POU6F1: variants seen among roughly 807,000 people sequenced by gnomAD.
POU6F1 encodes POU class 6 homeobox 1, also known as POU domain, class 6, transcription factor 1.
A neutral mutation model predicts 28.9 loss-of-function variants in POU6F1; 9 were observed. The observed-to-expected ratio is 0.31, with a 90% CI of 0.19 to 0.54. The LOEUF (loss-of-function observed/expected upper bound fraction) is 0.54. Ranked by LOEUF, POU6F1 falls within the 20% of genes least tolerant of loss-of-function variation. POU6F1 has a pLI of 0.94. For synonymous variants in POU6F1, 173 were observed against 171.1 expected (o/e 1.01, Z -0.09); for missense variants, 338 against 426.1 (o/e 0.79, Z 1.82).
At chr12:51,210,050 C>T (rs1943885665) in intron 1 of POU6F1, among the ~76,000 whole-genome samples, 1 of 152,136 alleles carries the variant, frequency 6.6e-6, no homozygotes, top group Non-Finnish European at 1.5e-5. Context: ...CTCAAACTCC[C>T]AGCCTCAAGT....
Position 51,191,721 on chromosome 12 carries a change from T to C in POU6F1, c.1365A>G (p.Glu455=), listed in dbSNP as rs1432469234. 2.5e-6 allele frequency: 4 copies of C among 1,614,198 alleles called. No individual in the cohort carries two copies. Among genetic ancestry groups the C allele is most frequent in the Middle Eastern group, 3.3e-4 (2 of 6,062 alleles). The change falls in exon 10 of 11, where the codon GAA becomes GAG. Residue 455 remains glutamate (E), a synonymous_variant. Coordinates refer to ENST00000333640, the MANE Select transcript of POU6F1 (RefSeq NM_001330422.2). ...PSLDEDGINL[E]EIREFAKNFK... is the part of the protein sequence containing the mutation. ...AGTTCTTGGCAAACTCCCGGATCTC[T>C]TCTAAGTTGATCCCATCCTCATCCA...
At chr12:51,194,847 T>A (rs1942706606) in intron 8 of POU6F1, among the ~76,000 whole-genome samples, 1 of 152,144 alleles carries the variant, frequency 6.6e-6, no homozygotes, top group African/African-American at 2.4e-5. Context: ...ACCCTTATGA[T>A]CCCTGTTCAC....
chr12:51,207,764 A>T (rs758090047), intron 1 of POU6F1: 1 of 152,212 alleles, frequency 6.6e-6, no homozygotes, highest in Non-Finnish European at 1.5e-5. Flanking sequence ...CTTTTCACCC[A>T]ACTACTCTCA....
chr12:51,201,855 G>GTT (rs1943233156), intron 3 of POU6F1: 1 of 144,860 alleles, frequency 6.9e-6, no homozygotes, highest in African/African-American at 2.7e-5. Context: ...ACTCAATATA[G>GTT]TTGTTTTTTT....
chr12:51,214,591 C>A (rs1944190953), intron 1 of POU6F1, among the ~76,000 whole-genome samples: 1 of 152,112 alleles, frequency 6.6e-6, no homozygotes, highest in Non-Finnish European at 1.5e-5. Flanking sequence ...AGGCTAACAG[C>A]TAGGCACACA....
rs1192078270 is a variant in POU6F1 at position 51,190,607 on chromosome 12, T to C, written c.1491-15A>G. ...GCTTCTCGAACCTGTGGGCAACCCA[T>C]ACCCAGGAAGAGGCAGTGAGAGCAT... On this transcript the variant is annotated splice_polypyrimidine_tract_variant and intron_variant, in intron 10 of 10. Coordinates refer to ENST00000333640, the MANE Select transcript of POU6F1 (RefSeq NM_001330422.2). The surrounding 1 kb of genome is among the most constrained non-coding windows in gnomAD (Gnocchi z 4.5). The C allele has an allele frequency of 5.6e-6, 9 of 1,609,230 alleles. No homozygotes were observed. Among genetic ancestry groups the C allele is most frequent in the South Asian group, 2.2e-5 (2 of 90,766 alleles).
chr12:51,194,664 T>G (rs972013189), intron 8 of POU6F1, among the ~76,000 whole-genome samples: 1 of 148,354 alleles, frequency 6.7e-6, no homozygotes, highest in Non-Finnish European at 1.5e-5. Flanking sequence ...AAAAAGCTCA[T>G]CTGGTCAGCC....
Position 51,195,566 on chromosome 12 carries a change from C to T in POU6F1, c.1179+404G>A, listed in dbSNP as rs186104546. ...ATGAGCAATGAGTAAATCAAAGCCA[C>T]GGTGCAGAGTGGAGGGGTGGAGGGA... On this transcript the variant is annotated intron_variant, in intron 8 of 10. Coordinates refer to ENST00000333640, the MANE Select transcript of POU6F1 (RefSeq NM_001330422.2). Among the ~76,000 whole-genome samples the T allele has an allele frequency of 9.2e-5, 14 of 152,228 alleles. No homozygotes were observed. The East Asian group carries it at 2.3e-3, about 25-fold the overall frequency.
At position 51,190,149 on chromosome 12, in the gene POU6F1, G is replaced by T; in HGVS notation, c.*98C>A. 1 of 1,503,102 alleles carries T rather than the reference G, an allele frequency of 6.7e-7. No individual in the cohort carries two copies. The highest frequency in any genetic ancestry group is 8.9e-7 in the Non-Finnish European group (1 of 1,127,922). 93.1% of individuals were successfully genotyped at this position (1,503,102 alleles called of 1,614,324 possible). A position where few individuals can be genotyped will look rare whatever the true frequency, so the allele number is the denominator to read the frequency against. On this transcript the variant is annotated 3_prime_UTR_variant, in exon 11 of 11. Coordinates refer to ENST00000333640, the MANE Select transcript of POU6F1 (RefSeq NM_001330422.2). This position sits in a 1 kb window ranked among gnomAD's most constrained non-coding sequence, Gnocchi z 4.5. ...CTGATGACCTGGGGTGAGCACAGCTGCACGTGGCAAAATGACAGGTGCTGT... is the reference window on the plus strand; with the variant it reads ...CTGATGACCTGGGGTGAGCACAGCTTCACGTGGCAAAATGACAGGTGCTGT...
Position 51,187,400 on chromosome 12 carries a change from A to T in POU6F1, c.*2847T>A, listed in dbSNP as rs1044697354. 6.6e-6 allele frequency: 1 copy of T among 152,248 alleles called. No homozygotes were observed. Among genetic ancestry groups the T allele is most frequent in the Non-Finnish European group, 1.5e-5 (1 of 68,040 alleles). 9.4% of individuals were successfully genotyped at this position (152,248 alleles called of 1,614,324 possible). A position where few individuals can be genotyped will look rare whatever the true frequency, so the allele number is the denominator to read the frequency against. ...TGTAAGTCCAGAAGATGTTTTCAAA[A>T]CAAAATGTATACCAACTCCTTCAGA... On this transcript the variant is annotated 3_prime_UTR_variant, in exon 11 of 11. Transcript: ENST00000333640.
At chr12:51,204,126 T>C (rs2067902) in intron 3 of POU6F1, 47 bp downstream of exon 3, 271,348 of 398,636 alleles carry the variant, frequency 0.68, 93,602 homozygotes, top group Middle Eastern at 0.73. Context: ...CAGGAGGGAC[T>C]TGGCACTCAG....
Position 51,190,333 on chromosome 12 carries a change from C to T in POU6F1, c.1750G>A (p.Asp584Asn), listed in dbSNP as rs752398835. 7.4e-6 allele frequency: 12 copies of T among 1,614,064 alleles called. No homozygotes were observed. Among genetic ancestry groups the T allele is most frequent in the Middle Eastern group, 1.6e-4 (1 of 6,084 alleles). ...AACCAGACCCGCACTACCTCACGGT[C>T]GTAGTTGAGCTCCTTAGCAATTTCA... Reference protein sequence around the residue: ...ITEIAKELNYDREVVRVWFCN... With the variant: ...ITEIAKELNYNREVVRVWFCN... Residue 584 changes from aspartate (D) to asparagine (N), a missense_variant, in exon 11 of 11, where the codon GAC becomes AAC. By Grantham distance (23) the Asp-to-Asn change is conservative. Around this residue, in one of 3 missense-constraint regions of POU6F1, gnomAD observed 126 missense variants for 176.5 expected, o/e 0.71. Transcript: ENST00000333640. The surrounding 1 kb of genome is among the most constrained non-coding windows in gnomAD (Gnocchi z 4.5).
intron 3 of POU6F1, 135 bp downstream of exon 3, chr12:51,204,038 A>G: frequency 2.5e-6 from 1 of 397,592 alleles, no homozygotes; most frequent in Non-Finnish European, 4.4e-6. Context: ...CCAGAGGCAC[A>G]GGCTGTCCAG....
chr12:51,190,140 A>T lies in POU6F1; in HGVS notation c.*107T>A, dbSNP rs917979132. The T allele has an allele frequency of 6.8e-7, 1 of 1,477,244 alleles. No individual in the cohort carries two copies. The highest frequency in any genetic ancestry group is 1.4e-5 in the African/African-American group (1 of 71,404). The allele number at this position is 1,477,244 out of a possible 1,614,324, so 91.5% of individuals were successfully genotyped here. On this transcript the variant is annotated 3_prime_UTR_variant, in exon 11 of 11. Transcript: ENST00000333640. This position sits in a 1 kb window ranked among gnomAD's most constrained non-coding sequence, Gnocchi z 4.5. ...CGGTGGAGTCTGATGACCTGGGGTG[A>T]GCACAGCTGCACGTGGCAAAATGAC...
intron 2 of POU6F1, 91 bp from the exon 3 acceptor site, chr12:51,204,459 G>A (rs1943440391): frequency 5.0e-6 from 2 of 397,848 alleles, no homozygotes; most frequent in East Asian, 7.1e-5. Context: ...AGAGAGGGGA[G>A]GGCACCTCTG....
intron 1 of POU6F1, among the ~76,000 whole-genome samples, chr12:51,212,106 T>G (rs1023810382): frequency 6.6e-6 from 1 of 151,828 alleles, no homozygotes; most frequent in Admixed American, 6.6e-5. Flanking sequence ...GTTTGTTTGT[T>G]TGTTTGAGAC....
intron 1 of POU6F1, among the ~76,000 whole-genome samples, chr12:51,215,555 CAAAAAAAA>C (rs11415220): frequency 4.5e-5 from 4 of 88,612 alleles, no homozygotes; most frequent in African/African-American, 1.8e-4. Flanking sequence ...AACCCTGTCT[CAAAAAAAA>C]AAAAAAAAAA....
In POU6F1 at chr12:51,190,683, G is replaced by T; in HGVS notation, c.1491-91C>A. On this transcript the variant is annotated intron_variant, in intron 10 of 10. Coordinates refer to ENST00000333640, the MANE Select transcript of POU6F1 (RefSeq NM_001330422.2). This position sits in a 1 kb window ranked among gnomAD's most constrained non-coding sequence, Gnocchi z 4.5. ...CCTAGGTGCAGGCTCCATCCTCAAG[G>T]GGCCGCTCCTCTAGGGGCTGGTGAG... 6.5e-7 allele frequency: 1 copy of T among 1,527,538 alleles called. No homozygotes were observed. The highest frequency in any genetic ancestry group is 1.3e-5 in the South Asian group (1 of 78,912). The allele number at this position is 1,527,538 out of a possible 1,614,324, so 94.6% of individuals were successfully genotyped here. A position where few individuals can be genotyped will look rare whatever the true frequency, so the allele number is the denominator to read the frequency against.
intron 1 of POU6F1, among the ~76,000 whole-genome samples, chr12:51,209,998 C>T (rs1039481433): frequency 1.3e-5 from 2 of 152,104 alleles, no homozygotes; most frequent in Admixed American, 6.6e-5. Context: ...TGCTCTGTTG[C>T]CCAGGCTGTA....
Sources: gnomAD v4.1 joint callset for allele counts (sites outside exome capture counted in the v4.1 genomes callset) on GRCh38, gnomAD v4.1.1 for gene constraint, gnomAD v4.1.1 regional missense constraint, Gnocchi (gnomAD v3.1) non-coding constraint, MANE v1.5 for transcripts, NCBI Gene and HGNC (gene_info 2026-07-23, HGNC 2026-07-21) for gene names.